The following THSD7A variants were observed in gnomAD, a reference collection of about 807,000 sequenced individuals.
THSD7A encodes thrombospondin type-1 domain-containing protein 7A.
In THSD7A, 96 loss-of-function variants were observed where a neutral mutation model predicts 231.3. The ratio of observed to expected loss-of-function variants is 0.41; its 90% confidence interval spans 0.35 to 0.49. THSD7A has a LOEUF of 0.49. Among genes scored for constraint, THSD7A ranks in the 20% least tolerant of loss-of-function variants. THSD7A has a pLI of 0.05. For missense variants in THSD7A, 2,290 were observed against 2,070.2 expected (o/e 1.11, Z -2.06); for synonymous variants, 940 against 743.3 (o/e 1.26, Z -4.30).
chr7:11,793,388 T>TTTC (rs1784019010), intron 1 of THSD7A, among the ~76,000 whole-genome samples: 1 of 151,878 alleles, frequency 6.6e-6, no homozygotes, highest in South Asian at 2.1e-4. Flanking sequence ...CTTGAAAACA[T>TTTC]TTCTGCCTCT....
At chr7:11,678,857 C>A (rs2128138260) in intron 1 of THSD7A, among the ~76,000 whole-genome samples, 1 of 152,312 alleles carries the variant, frequency 6.6e-6, no homozygotes, top group South Asian at 2.1e-4. Context: ...ATGAGGCCAG[C>A]ATCATCCTGA....
At chr7:11,635,347 T>A (rs2128359699) in intron 2 of THSD7A, among the ~76,000 whole-genome samples, 1 of 152,314 alleles carries the variant, frequency 6.6e-6, no homozygotes, top group East Asian at 1.9e-4. Flanking sequence ...CACTCCCAGA[T>A]GGTCTGGTTT....
intron 1 of THSD7A, among the ~76,000 whole-genome samples, chr7:11,688,794 C>T (rs1031774199): frequency 2.0e-5 from 3 of 151,744 alleles, no homozygotes; most frequent in Non-Finnish European, 4.4e-5. Flanking sequence ...TGTTGGGCTG[C>T]ATTTCATCAA....
At position 11,478,410 on chromosome 7, in the gene THSD7A, C is replaced by T. The variant is rs1020012586; in HGVS notation, c.2017+3378G>A. ...CTGGCTCTGAAAATGCATGCCAGGC[C>T]ACCTCTTTTCCCACTTTGGTTGCTC... On this transcript the variant is annotated intron_variant, in intron 7 of 27. Transcript: ENST00000423059. 6.6e-5 allele frequency among the ~76,000 whole-genome samples: 10 copies of T among 152,240 alleles called. No homozygotes were observed. In the South Asian group the frequency reaches 1.5e-3, roughly 22 times the overall value.
intron 1 of THSD7A, among the ~76,000 whole-genome samples, chr7:11,759,290 A>T (rs1428715102): frequency 6.6e-6 from 1 of 152,128 alleles, no homozygotes; most frequent in Non-Finnish European, 1.5e-5. Context: ...AGAGGCAAAA[A>T]TGACCATGTA....
chr7:11,525,887 T>A (rs1446408542), intron 6 of THSD7A, among the ~76,000 whole-genome samples: 3 of 152,176 alleles, frequency 2.0e-5, no homozygotes, highest in African/African-American at 7.2e-5. Flanking sequence ...ATGTAACGTG[T>A]GACTGGAAAG....
intron 23 of THSD7A, among the ~76,000 whole-genome samples, chr7:11,392,678 A>T (rs1036194886): frequency 6.6e-6 from 1 of 152,088 alleles, no homozygotes; most frequent in African/African-American, 2.4e-5. Context: ...ATGACCTGTG[A>T]CTCTCAAGCT....
At chr7:11,575,037 G>A (rs944825658) in intron 4 of THSD7A, among the ~76,000 whole-genome samples, 2 of 152,024 alleles carry the variant, frequency 1.3e-5, no homozygotes, top group East Asian at 1.9e-4. Flanking sequence ...CTCTTTGTAC[G>A]TCCATATTAT....
intron 6 of THSD7A, among the ~76,000 whole-genome samples, chr7:11,538,437 T>A (rs1400158513): frequency 6.6e-6 from 1 of 152,138 alleles, no homozygotes; most frequent in East Asian, 1.9e-4. Context: ...CTTGCTCCGG[T>A]CCAATAGCCT....
At chr7:11,518,593 ATAG>A (rs1216355071) in intron 6 of THSD7A, among the ~76,000 whole-genome samples, 1 of 103,616 alleles carries the variant, frequency 9.7e-6, no homozygotes, top group African/African-American at 3.5e-5. Context: ...TGGAAATAAA[ATAG>A]AAACACACAC....
At chr7:11,401,658 C>T in intron 23 of THSD7A, 137 bp downstream of exon 23, 1 of 728,288 alleles carries the variant, frequency 1.4e-6, no homozygotes, top group South Asian at 2.5e-5. Context: ...GTGATCCGCC[C>T]ACCTAGGCCT....
intron 1 of THSD7A, among the ~76,000 whole-genome samples, chr7:11,762,393 T>C (rs896994077): frequency 6.6e-6 from 1 of 152,116 alleles, no homozygotes; most frequent in Non-Finnish European, 1.5e-5. Flanking sequence ...TCATCCTAGC[T>C]ATGATTTATT....
At chr7:11,755,222 C>T (rs1782633079) in intron 1 of THSD7A, among the ~76,000 whole-genome samples, 1 of 152,042 alleles carries the variant, frequency 6.6e-6, no homozygotes, top group Non-Finnish European at 1.5e-5. Context: ...AAAATTTCAA[C>T]AGTGCCAAAA....
intron 2 of THSD7A, among the ~76,000 whole-genome samples, chr7:11,631,443 C>T (rs757157202): frequency 5.3e-5 from 8 of 151,642 alleles, no homozygotes; most frequent in South Asian, 2.1e-4. Context: ...CTATGTCAAA[C>T]GAAAAAAATC....
chr7:11,615,376 C>T (rs1468314436), intron 2 of THSD7A, among the ~76,000 whole-genome samples: 1 of 152,152 alleles, frequency 6.6e-6, no homozygotes, highest in Non-Finnish European at 1.5e-5. Flanking sequence ...CCTCGTGGAG[C>T]TGGGCAATTA....
intron 15 of THSD7A, 148 bp from the exon 16 acceptor site, chr7:11,424,977 A>G: frequency 1.0e-6 from 1 of 979,436 alleles, no homozygotes. Flanking sequence ...CAATAGAGAG[A>G]ACTCAAGAGT....
chr7:11,491,648 A>G (rs1786898947), intron 6 of THSD7A, among the ~76,000 whole-genome samples: 1 of 152,138 alleles, frequency 6.6e-6, no homozygotes, highest in African/African-American at 2.4e-5. Flanking sequence ...TTGAAGAGTT[A>G]ATCAATACAA....
chr7:11,757,104 C>G (rs141272234), intron 1 of THSD7A, among the ~76,000 whole-genome samples: 8 of 151,706 alleles, frequency 5.3e-5, no homozygotes, highest in African/African-American at 7.2e-5. Flanking sequence ...TTATTGATCT[C>G]TATATATGTA....
intron 1 of THSD7A, among the ~76,000 whole-genome samples, chr7:11,821,502 CTT>C (rs1784873003): frequency 2.0e-5 from 3 of 151,756 alleles, no homozygotes; most frequent in Non-Finnish European, 4.4e-5. Context: ...TGTAAATAAA[CTT>C]TGAAGTGTTC....
Sources: allele counts gnomAD v4.1 joint callset (sites outside exome capture counted in the v4.1 genomes callset), GRCh38; gene constraint gnomAD v4.1.1; transcripts MANE v1.5; gene names NCBI Gene and HGNC (gene_info 2026-07-23, HGNC 2026-07-21).